STOML1: variants seen among roughly 807,000 people sequenced by gnomAD.
STOML1 encodes the protein stomatin like 1, also known as stomatin-like protein 1.
In STOML1, 27 loss-of-function variants were observed where a neutral mutation model predicts 35.7. The ratio of observed to expected loss-of-function variants is 0.76; its 90% CI spans 0.56 to 1.04. STOML1 has a LOEUF of 1.04. STOML1 is among the 50% of genes least tolerant of loss of function. The pLI, the probability that STOML1 is intolerant of heterozygous loss-of-function variation, is 0.00. For synonymous variants in STOML1, 219 were observed against 227.9 expected, an observed-to-expected ratio of 0.96 and a Z score of 0.35; for missense variants, 451 against 527.1, an observed-to-expected ratio of 0.86 and a Z score of 1.41.
At chr15:73,991,925 G>A in intron 1 of STOML1, 166 bp downstream of exon 1, 1 of 1,119,984 alleles carries the variant, frequency 8.9e-7, no homozygotes, top group Non-Finnish European at 1.2e-6. Flanking sequence ...ATCGGCGCTA[G>A]CACCAGGCGC....
chr15:73,992,556 C>T (rs2069318184), upstream of STOML1, among the ~76,000 whole-genome samples: 1 of 152,178 alleles, frequency 6.6e-6, no homozygotes, highest in African/African-American at 2.4e-5. Context: ...CTCCTATAAT[C>T]CATCAATTTG....
At chr15:73,990,977 C>CA in intron 1 of STOML1, 1 of 1,439,388 alleles carries the variant, frequency 6.9e-7, no homozygotes, top group Non-Finnish European at 9.1e-7. Flanking sequence ...AGCTTATCAA[C>CA]GGGAGCCACA....
Position 73,989,202 on chromosome 15 carries a change from G to C in STOML1, c.296C>G (p.Pro99Arg). 1.2e-6 allele frequency: 2 copies of C among 1,612,430 alleles called. No homozygotes were observed. Among genetic ancestry groups the C allele is most frequent in the Non-Finnish European group, 1.7e-6 (2 of 1,179,002 alleles). Residue 99 changes from proline (P) to arginine (R), a missense_variant, in exon 3 of 7, where the codon CCC (proline) becomes CGC (arginine). Transcript: ENST00000541638. ...IVFRLGRIRT[P>R]QGPGMVLLLP... Reference sequence around the variant, plus strand: ...GAGCAGAACCATGCCAGGTCCCTGGGGGGTGCGGATCCGGCCCAGGCGGAA... The same window carrying C: ...GAGCAGAACCATGCCAGGTCCCTGGCGGGTGCGGATCCGGCCCAGGCGGAA...
chr15:73,984,622 G>A (rs1215642388), intron 6 of STOML1, 37 bp downstream of exon 6: 1 of 1,606,728 alleles, frequency 6.2e-7, no homozygotes, highest in Non-Finnish European at 8.5e-7. Context: ...AACCTAGCAA[G>A]CTGGATGGGA....
chr15:73,993,715 C>T (rs1450008964), upstream of STOML1, among the ~76,000 whole-genome samples: 1 of 152,194 alleles, frequency 6.6e-6, no homozygotes, highest in Admixed American at 6.5e-5. Context: ...ACAGTGGTTG[C>T]GATGGTTTAA....
rs2068947707 is a variant in STOML1 at position 73,980,383 on chromosome 15, G to A, written c.*3554C>T. 1 of 152,166 alleles carries A rather than the reference G, an allele frequency of 6.6e-6. No individual in the cohort carries two copies. The highest frequency in any genetic ancestry group is 2.4e-5 in the African/African-American group (1 of 41,428). The allele number at this position is 152,166 out of a possible 1,614,324, so 9.4% of individuals were successfully genotyped here. A position where few individuals can be genotyped will look rare whatever the true frequency, so the allele number is the denominator to read the frequency against. ...GCAAAACACAAGAAATAATCAAAAT[G>A]TCTATCGGTCCACGACAGGTTGAAT... On this transcript the variant is annotated 3_prime_UTR_variant, in exon 7 of 7. Transcript: ENST00000541638.
chr15:73,981,788 C>G lies in STOML1; in HGVS notation c.*2149G>C, dbSNP rs1421878546. On this transcript the variant is annotated 3_prime_UTR_variant, in exon 7 of 7. Transcript: ENST00000541638. ...CTTCACACCGACCCTTTAGGTGGCC[C>G]TTGTCCTTCCTCCCCTGTGGACTGC... The G allele has an allele frequency of 2.6e-5, 4 of 152,442 alleles. No homozygotes were observed. The highest frequency in any genetic ancestry group is 9.6e-5 in the African/African-American group (4 of 41,466). 9.4% of individuals were successfully genotyped at this position (152,442 alleles called of 1,614,324 possible). A position where few individuals can be genotyped will look rare whatever the true frequency, so the allele number is the denominator to read the frequency against.
rs773939448 is a variant in STOML1, at chr15:73,989,167, T to C, written c.331A>G (p.Ile111Val). ...GPGMVLLLPF[I>V]DSFQRVDLRT... The stretch of plus-strand genomic sequence containing the variant: ...AGATCCACCCTCTGAAAGGAGTCAA[T>C]GAAGGGCAAGAGCAGAACCATGCCA... The change falls in exon 3 of 7, where the codon ATT becomes GTT. Residue 111 changes from isoleucine to valine, a missense_variant. Physicochemically the swap from Ile to Val is conservative, Grantham distance 29. Transcript: ENST00000541638. 2 of 1,612,792 alleles carry C rather than the reference T, an allele frequency of 1.2e-6. No individual in the cohort carries two copies. The highest frequency in any genetic ancestry group is 1.1e-5 in the South Asian group (1 of 90,886).
At position 73,983,642 on chromosome 15, in the gene STOML1, A is replaced by C; in HGVS notation, c.*295T>G. On this transcript the variant is annotated 3_prime_UTR_variant, in exon 7 of 7. Transcript: ENST00000541638. ...CTGTCTCTCCAGTCAGGAAGCCAGCAGGGCAGGGCAGGCCTGGCTCTCCTC... is the reference window on the plus strand; with the variant it reads ...CTGTCTCTCCAGTCAGGAAGCCAGCCGGGCAGGGCAGGCCTGGCTCTCCTC... The C allele has an allele frequency of 3.1e-6, 1 of 326,752 alleles. No individual in the cohort carries two copies. The highest frequency in any genetic ancestry group is 5.6e-6 in the Non-Finnish European group (1 of 178,218). The allele number at this position is 326,752 out of a possible 1,614,324, so 20.2% of individuals were successfully genotyped here. A position where few individuals can be genotyped will look rare whatever the true frequency, so the allele number is the denominator to read the frequency against.
rs558736234 is a variant in STOML1 at position 73,992,054 on chromosome 15, G to C, written c.133+37C>G. ...ATTCGGGCCTGGGGGTTGCCGGCCG[G>C]TCCCCCCCGGCTCCGCCGTGCCAGG... On this transcript the variant is annotated intron_variant, in intron 1 of 6. Transcript: ENST00000541638. 3.9e-4 allele frequency: 594 copies of C among 1,528,388 alleles called. 2 individuals are homozygous for C. The African/African-American group carries it at 7.9e-3, about 20-fold the overall frequency. 94.7% of individuals were successfully genotyped at this position (1,528,388 alleles called of 1,614,324 possible).
In STOML1 at chr15:73,980,498, G is replaced by A. The variant is rs1016330458; in HGVS notation, c.*3439C>T. The stretch of plus-strand genomic sequence containing the variant: ...CTGTGGTAACATGGAAAGATCCTCA[G>A]TGGGTAATGTTAAGTGAAAAAGGCA... On this transcript the variant is annotated 3_prime_UTR_variant, in exon 7 of 7. Transcript: ENST00000541638. The A allele has an allele frequency of 1.3e-5, 2 of 152,208 alleles. No homozygotes were observed. The highest frequency in any genetic ancestry group is 2.4e-5 in the African/African-American group (1 of 41,442). 9.4% of individuals were successfully genotyped at this position (152,208 alleles called of 1,614,324 possible).
chr15:73,991,368 A>T (rs764316982), intron 1 of STOML1, among the ~76,000 whole-genome samples: 25 of 152,226 alleles, frequency 1.6e-4, no homozygotes, highest in Non-Finnish European at 2.9e-4. Context: ...GCCCTGCTCC[A>T]TTCTTCCAGG....
intron 5 of STOML1, 54 bp from the exon 6 acceptor site, chr15:73,984,925 G>A (rs1415315167): frequency 6.2e-7 from 1 of 1,600,818 alleles, no homozygotes; most frequent in Non-Finnish European, 8.5e-7. Flanking sequence ...TCATCGTGTT[G>A]CCAAGGTCAG....
Position 73,988,876 on chromosome 15 carries a change from C to T in STOML1, c.391-74G>A. 6.4e-7 allele frequency: 1 copy of T among 1,552,768 alleles called. No homozygotes were observed. Among genetic ancestry groups the T allele is most frequent in the Non-Finnish European group, 8.7e-7 (1 of 1,144,774 alleles). ...AGGGAGGTCAGGCCCACTGGGGCCA[C>T]CCAGCTTGAACCACCTGCTTGGCAG... On this transcript the variant is annotated intron_variant, in intron 3 of 6. Coordinates refer to ENST00000541638, the MANE Select transcript of STOML1 (RefSeq NM_004809.5). The surrounding 1 kb of genome is among the most constrained non-coding windows in gnomAD (Gnocchi z 4.8).
At position 73,983,939 on chromosome 15, in the gene STOML1, A is replaced by T; in HGVS notation, c.1195T>A (p.Ter399LysextTer33). The T allele has an allele frequency of 6.2e-7, 1 of 1,609,310 alleles. No individual in the cohort carries two copies. Among genetic ancestry groups the T allele is most frequent in the Non-Finnish European group, 8.5e-7 (1 of 1,176,648 alleles). Residue 399 changes from the stop codon to lysine (K), a stop_lost, in exon 7 of 7, where the codon TAG becomes AAG. Transcript: ENST00000541638. ...CTCTGGAAAGTCAGCCAAGGCTGCTACTTCAAGGCCCTGAGGACAGCCTCC... is the reference window on the plus strand; with the variant it reads ...CTCTGGAAAGTCAGCCAAGGCTGCTTCTTCAAGGCCCTGAGGACAGCCTCC... Reference protein sequence around the residue: ...KLEAVLRALK* With the variant: ...KLEAVLRALKK
Position 73,980,269 on chromosome 15 carries a change from A to G in STOML1, c.*3668T>C, listed in dbSNP as rs1347074348. On this transcript the variant is annotated 3_prime_UTR_variant, in exon 7 of 7. Transcript: ENST00000541638. ...TAAATTATAAATGCTTTGATTTAGC[A>G]ATTCCACTTCTAGGATTTTATCTTA... 1 of 152,236 alleles carries G rather than the reference A, an allele frequency of 6.6e-6. No individual in the cohort carries two copies. The highest frequency in any genetic ancestry group is 1.5e-5 in the Non-Finnish European group (1 of 68,046). 9.4% of individuals were successfully genotyped at this position (152,236 alleles called of 1,614,324 possible).
In STOML1 at chr15:73,985,480, G is replaced by T; in HGVS notation, c.628C>A (p.Leu210Met). 1.9e-6 allele frequency: 3 copies of T among 1,538,876 alleles called. No individual in the cohort carries two copies. The highest frequency in any genetic ancestry group is 2.6e-6 in the Non-Finnish European group (3 of 1,144,946). The change falls in exon 5 of 7, where the codon CTG (leucine) becomes ATG (methionine). Residue 210 changes from leucine (L) to methionine (M), a missense_variant. Transcript: ENST00000541638. ...GCCAGCTCCACGCGGTCTACCTCCA[G>T]CCCCCAGGCCCTGGTCACATCGTTG... Reference protein sequence around the residue: ...EINDVTRAWGLEVDRVELAVE... With the variant: ...EINDVTRAWGMEVDRVELAVE...
At chr15:73,992,055 T>C (rs1567109934) in intron 1 of STOML1, 36 bp downstream of exon 1, 3 of 1,524,254 alleles carry the variant, frequency 2.0e-6, no homozygotes, top group African/African-American at 1.4e-5. Context: ...TGCCGGCCGG[T>C]CCCCCCCGGC....
chr15:73,983,736 G>A lies in STOML1; in HGVS notation c.*201C>T. 1 of 567,712 alleles carries A rather than the reference G, an allele frequency of 1.8e-6. No individual in the cohort carries two copies. The highest frequency in any genetic ancestry group is 3.1e-6 in the Non-Finnish European group (1 of 327,492). 35.2% of individuals were successfully genotyped at this position (567,712 alleles called of 1,614,324 possible). On this transcript the variant is annotated 3_prime_UTR_variant, in exon 7 of 7. Coordinates refer to ENST00000541638, the MANE Select transcript of STOML1 (RefSeq NM_004809.5). ...TGGGGACCGGGATGGACAAAGCCTT[G>A]TCCAGAGAACCACTGTAGGGGAGAC...
Sources: gnomAD v4.1 joint callset for allele counts (sites outside exome capture counted in the v4.1 genomes callset) on GRCh38, gnomAD v4.1.1 for gene constraint, Gnocchi (gnomAD v3.1) non-coding constraint, MANE v1.5 for transcripts, NCBI Gene and HGNC (gene_info 2026-07-23, HGNC 2026-07-21) for gene names.